Variants in RNASET2 observed in about 807,000 individuals in gnomAD.
The protein encoded by RNASET2 is ribonuclease T2.
In RNASET2, 28 loss-of-function variants were observed where a neutral mutation model predicts 33.9. The ratio of observed to expected loss-of-function variants is 0.83; its 90% confidence interval spans 0.61 to 1.13. The LOEUF (loss-of-function observed/expected upper bound fraction) is 1.13, where lower values mean the gene tolerates loss of function less well. Among genes scored for constraint, RNASET2 ranks in the 50% most tolerant of loss-of-function variants. The pLI is 0.00. For missense variants in RNASET2, 330 were observed against 319.9 expected (o/e 1.03, Z -0.24); for synonymous variants, 123 against 121.0 (o/e 1.02, Z -0.11).
At chr6:166,953,630 T>C (rs1176134291) in intron 1 of RNASET2, 1 of 152,296 alleles carries the variant, frequency 6.6e-6, no homozygotes, top group Non-Finnish European at 1.5e-5. Flanking sequence ...CTCACACCTA[T>C]AATCCCAGCA....
intron 8 of RNASET2, among the ~76,000 whole-genome samples, chr6:166,930,700 A>C (rs538458986): frequency 5.3e-5 from 8 of 151,600 alleles, no homozygotes; most frequent in African/African-American, 1.9e-4. Context: ...CAGCACATGC[A>C]CACATGCATG....
rs555305808 is a variant in RNASET2 at position 166,925,603 on chromosome 6, C to T, written c.*3985G>A. Among the ~76,000 whole-genome samples the T allele has an allele frequency of 7.9e-5, 12 of 152,166 alleles. No homozygotes were observed. Among genetic ancestry groups the T allele is most frequent in the Admixed American group, 3.9e-4 (6 of 15,286 alleles). On this transcript the variant is annotated 3_prime_UTR_variant, in exon 9 of 9. Coordinates refer to ENST00000508775, the MANE Select transcript of RNASET2 (RefSeq NM_003730.6). ...CAGTCCTCACCTATGCCACATTGTC[C>T]GCATCTACACTGTACGGCCCTCCCC...
chr6:166,922,620 C>A lies in RNASET2; in HGVS notation c.*6968G>T, dbSNP rs1196765847. 6.6e-6 allele frequency among the ~76,000 whole-genome samples: 1 copy of A among 152,206 alleles called. No individual in the cohort carries two copies. The highest frequency in any genetic ancestry group is 1.5e-5 in the Non-Finnish European group (1 of 68,046). The stretch of plus-strand genomic sequence containing the variant: ...CAGTTTTGATTAGTGAGGTACCAAG[C>A]CCCTGAATATTGGGAGCATCTTGGT... On this transcript the variant is annotated 3_prime_UTR_variant, in exon 9 of 9. Transcript: ENST00000508775.
At chr6:166,949,822 A>C (rs1381609164) in intron 2 of RNASET2, among the ~76,000 whole-genome samples, 1 of 152,140 alleles carries the variant, frequency 6.6e-6, no homozygotes, top group Non-Finnish European at 1.5e-5. Flanking sequence ...GCCTGCCTGC[A>C]TGGAGCTGTG....
Position 166,931,037 on chromosome 6 carries a change from G to C in RNASET2, c.567+7C>G. ...AAAAAAAGGAAGACAAAACATAACT[G>C]TCTAACCTGGCTTGGTGGAAGGCAC... On this transcript the variant is annotated splice_region_variant and intron_variant, in intron 8 of 8. Transcript: ENST00000508775. 1 of 1,601,362 alleles carries C rather than the reference G, an allele frequency of 6.2e-7. No homozygotes were observed. The highest frequency in any genetic ancestry group is 8.6e-7 in the Non-Finnish European group (1 of 1,168,386).
chr6:166,930,209 A>G (rs759263850), intron 8 of RNASET2, among the ~76,000 whole-genome samples: 5 of 152,266 alleles, frequency 3.3e-5, no homozygotes, highest in Non-Finnish European at 5.9e-5. Flanking sequence ...CTAAAAGAAC[A>G]GGTATATTCT....
Position 166,927,713 on chromosome 6 carries a change from CAAA to C in RNASET2, c.*1872_*1874del, listed in dbSNP as rs58837223. Among the ~76,000 whole-genome samples, 9 of 47,340 alleles carry C rather than the reference CAAA, an allele frequency of 1.9e-4. No homozygotes were observed. Among genetic ancestry groups the C allele is most frequent in the African/African-American group, 6.9e-4 (8 of 11,646 alleles). The allele number at this position is 47,340 out of a possible 152,430, so 31.1% of individuals were successfully genotyped here. ...TGATCCCTGTGTTCGCAAAATGACT[CAAA>C]AAAAAAAAAAAAAAAAAAAAGAATT... On this transcript the variant is annotated 3_prime_UTR_variant, in exon 9 of 9. Transcript: ENST00000508775.
intron 1 of RNASET2, among the ~76,000 whole-genome samples, chr6:166,955,243 ACACACGCACACACG>A (rs1166066146): frequency 9.7e-6 from 1 of 103,568 alleles, no homozygotes; most frequent in African/African-American, 4.7e-5. Flanking sequence ...ACGCACGCAC[ACACACGCACACACG>A]CACACACACA....
intron 8 of RNASET2, among the ~76,000 whole-genome samples, chr6:166,930,734 CACAT>C (rs1488158498): frequency 6.6e-6 from 1 of 150,834 alleles, no homozygotes; most frequent in South Asian, 2.1e-4. Context: ...AGCACATGCC[CACAT>C]AATGTACACA....
In RNASET2 at chr6:166,953,879, C is replaced by CAAAAAAAAAAAAAAAAAAAAAAAAAAA. The variant is rs548523987; in HGVS notation, c.87-1332_87-1331insTTTTTTTTTTTTTTTTTTTTTTTTTTT. Among the ~76,000 whole-genome samples the CAAAAAAAAAAAAAAAAAAAAAAAAAAA allele has an allele frequency of 4.3e-4, 48 of 110,706 alleles. 1 individual carries two copies. The East Asian group carries it at 8.1e-3, about 19-fold the overall frequency. 72.6% of individuals were successfully genotyped at this position (110,706 alleles called of 152,430 possible). A position where few individuals can be genotyped will look rare whatever the true frequency, so the allele number is the denominator to read the frequency against. ...TGGGCTACACAGCCAGACCCTGTCT[C>CAAAAAAAAAAAAAAAAAAAAAAAAAAA]AAAAAAAAAAAAAAAGGATGAGCTG... On this transcript the variant is annotated intron_variant, in intron 1 of 8. Transcript: ENST00000508775.
intron 7 of RNASET2, chr6:166,932,247 C>G (rs1023612746): frequency 2.0e-5 from 3 of 152,624 alleles, no homozygotes; most frequent in African/African-American, 7.2e-5. Context: ...CAGCATGTGA[C>G]CTACTCGGAG....
chr6:166,954,579 A>G (rs1779060634), intron 1 of RNASET2, among the ~76,000 whole-genome samples: 1 of 152,256 alleles, frequency 6.6e-6, no homozygotes, highest in Admixed American at 6.5e-5. Flanking sequence ...AGACTTCCCC[A>G]GTGAGAGGCT....
In RNASET2 at chr6:166,924,320, C is replaced by T. The variant is rs1315868726; in HGVS notation, c.*5268G>A. Among the ~76,000 whole-genome samples, 1 of 152,176 alleles carries T rather than the reference C, an allele frequency of 6.6e-6. No individual in the cohort carries two copies. ...TTCACCATACTGTCCAGGCTGGTCT[C>T]GAACTCCTGACCTTGGGATCCGCCT... On this transcript the variant is annotated 3_prime_UTR_variant, in exon 9 of 9. Transcript: ENST00000508775.
At position 166,926,264 on chromosome 6, in the gene RNASET2, G is replaced by A. The variant is rs1778302475; in HGVS notation, c.*3324C>T. ...GAAAGATAAGATACCTGGGCCAGGC[G>A]CGGTGGCTCACACCTATAATCCTAG... On this transcript the variant is annotated 3_prime_UTR_variant, in exon 9 of 9. Coordinates refer to ENST00000508775, the MANE Select transcript of RNASET2 (RefSeq NM_003730.6). Among the ~76,000 whole-genome samples, 1 of 151,790 alleles carries A rather than the reference G, an allele frequency of 6.6e-6. No homozygotes were observed. Among genetic ancestry groups the A allele is most frequent in the Non-Finnish European group, 1.5e-5 (1 of 67,972 alleles).
intron 6 of RNASET2, chr6:166,938,445 T>C (rs1778618063): frequency 4.2e-6 from 2 of 476,402 alleles, no homozygotes; most frequent in Admixed American, 2.2e-5. Context: ...GGGTCATTTC[T>C]GGGGCTTAAA....
Position 166,927,200 on chromosome 6 carries a change from C to T in RNASET2, c.*2388G>A, listed in dbSNP as rs549806298. Among the ~76,000 whole-genome samples the T allele has an allele frequency of 2.0e-5, 3 of 152,270 alleles. No individual in the cohort carries two copies. Among genetic ancestry groups the T allele is most frequent in the Admixed American group, 1.3e-4 (2 of 15,304 alleles). On this transcript the variant is annotated 3_prime_UTR_variant, in exon 9 of 9. Coordinates refer to ENST00000508775, the MANE Select transcript of RNASET2 (RefSeq NM_003730.6). ...CTGATCTCCATCACTGAACCTTAAACGCAGAGTCTTCCCCTTCTGTCTCCT... is the reference window on the plus strand; with the variant it reads ...CTGATCTCCATCACTGAACCTTAAATGCAGAGTCTTCCCCTTCTGTCTCCT...
In RNASET2 at chr6:166,928,286, G is replaced by A. The variant is rs9355607; in HGVS notation, c.*1302C>T. Among the ~76,000 whole-genome samples, 109,692 of 152,206 alleles carry A rather than the reference G, an allele frequency of 0.72. 42,873 individuals are homozygous for A. The highest frequency in any genetic ancestry group is 0.9 in the East Asian group (4,654 of 5,176). On this transcript the variant is annotated 3_prime_UTR_variant, in exon 9 of 9. Coordinates refer to ENST00000508775, the MANE Select transcript of RNASET2 (RefSeq NM_003730.6). ...GGACTGCGACACCTACTTTCTCACC[G>A]TCCCATCTGCCTGGTAAACCTTTGT...
chr6:166,951,187 C>T (rs1583234644), intron 2 of RNASET2, among the ~76,000 whole-genome samples: 4 of 152,108 alleles, frequency 2.6e-5, no homozygotes. Context: ...GAGAGAGAGG[C>T]CAGCTTACGC....
chr6:166,925,089 C>T lies in RNASET2; in HGVS notation c.*4499G>A, dbSNP rs1025352991. Among the ~76,000 whole-genome samples the T allele has an allele frequency of 4.7e-5, 7 of 147,700 alleles. No individual in the cohort carries two copies. The highest frequency in any genetic ancestry group is 1.0e-4 in the African/African-American group (4 of 39,212). The stretch of plus-strand genomic sequence containing the variant: ...CCAGTCATCTAGGCATTCTCCCTGC[C>T]GTCTAGCCCAAAACCGGAACAGCAC... On this transcript the variant is annotated 3_prime_UTR_variant, in exon 9 of 9. Transcript: ENST00000508775.
Sources: gnomAD v4.1 joint callset for allele counts (sites outside exome capture counted in the v4.1 genomes callset) on GRCh38, gnomAD v4.1.1 for gene constraint, MANE v1.5 for transcripts, NCBI Gene and HGNC (gene_info 2026-07-23, HGNC 2026-07-21) for gene names.